Variants in CAPN9 observed in about 807,000 individuals in gnomAD.
CAPN9 encodes calpain-9.
A neutral mutation model predicts 92.8 loss-of-function variants in CAPN9; 81 were observed. The ratio of observed to expected loss-of-function variants is 0.87; its 90% CI spans 0.73 to 1.05. CAPN9 has a LOEUF of 1.05. Among genes scored for constraint, CAPN9 ranks in the 50% least tolerant of loss-of-function variants. The probability of loss-of-function intolerance (pLI) is 0.00; values close to 1 mark genes in which losing one functional copy is unlikely to be tolerated. For synonymous variants in CAPN9, 304 were observed against 328.0 expected (o/e 0.93, Z 0.79); for missense variants, 848 against 866.2 (o/e 0.98, Z 0.26).
intron 11 of CAPN9, 69 bp downstream of exon 11, chr1:230,780,777 G>A: frequency 7.9e-7 from 1 of 1,270,710 alleles, no homozygotes; most frequent in Admixed American, 1.7e-5. Context: ...AGTCACCTGG[G>A]AACTGCTGGA....
chr1:230,780,376 G>A, intron 10 of CAPN9, 40 bp downstream of exon 10: 3 of 1,608,636 alleles, frequency 1.9e-6, no homozygotes, highest in Non-Finnish European at 2.6e-6. Flanking sequence ...TTCTCCATCT[G>A]AGTTCTAAAT....
intron 14 of CAPN9, among the ~76,000 whole-genome samples, chr1:230,790,922 G>A (rs1667938446): frequency 6.6e-6 from 1 of 152,200 alleles, no homozygotes; most frequent in Admixed American, 6.5e-5. Context: ...TTGCACTCCA[G>A]GCTGGGCAAC....
rs57738295 is a variant in CAPN9, at chr1:230,789,473, C to CAAAAAAAAA, written c.1600-640_1600-632dup. Among the ~76,000 whole-genome samples, 4 of 66,282 alleles carry CAAAAAAAAA rather than the reference C, an allele frequency of 6.0e-5. No individual in the cohort carries two copies. The East Asian group carries it at 2.5e-3, about 41-fold the overall frequency. 43.5% of individuals were successfully genotyped at this position (66,282 alleles called of 152,430 possible). A position where few individuals can be genotyped will look rare whatever the true frequency, so the allele number is the denominator to read the frequency against. ...TGGATGACAGAGCAAGACCCTGTAT[C>CAAAAAAAAA]AAAAAAAAAAAAAAAAAAAAAAAAA... On this transcript the variant is annotated intron_variant, in intron 13 of 19. Transcript: ENST00000271971.
At chr1:230,765,303 T>C (rs1267232655) in intron 4 of CAPN9, among the ~76,000 whole-genome samples, 2 of 146,110 alleles carry the variant, frequency 1.4e-5, no homozygotes, top group East Asian at 2.0e-4. Flanking sequence ...CTGAAGGAGC[T>C]CCAAACAGCC....
chr1:230,787,690 G>T (rs182265860), intron 13 of CAPN9, 88 bp downstream of exon 13: 6 of 1,121,520 alleles, frequency 5.3e-6, no homozygotes, highest in Non-Finnish European at 8.1e-6. Context: ...GGGTTGGTCA[G>T]CAACGTCATC....
At chr1:230,762,907 C>A in intron 4 of CAPN9, 121 bp downstream of exon 4, 1 of 1,048,924 alleles carries the variant, frequency 9.5e-7, no homozygotes, top group Non-Finnish European at 1.3e-6. Flanking sequence ...TGAGGCTCGG[C>A]AGGACCCAAC....
intron 8 of CAPN9, chr1:230,776,825 C>A (rs1025514823): frequency 6.6e-6 from 1 of 152,160 alleles, no homozygotes; most frequent in Non-Finnish European, 1.5e-5. Flanking sequence ...AATCTTGACT[C>A]AGAAGTAAAT....
chr1:230,767,440 G>A, intron 4 of CAPN9, 101 bp from the exon 5 acceptor site: 3 of 970,802 alleles, frequency 3.1e-6, no homozygotes, highest in South Asian at 3.6e-5. Context: ...GCAAGCCCTG[G>A]GAGATGCTTC....
Position 230,779,003 on chromosome 1 carries a change from T to C in CAPN9, c.984T>C (p.Phe328=). The C allele has an allele frequency of 6.2e-7, 1 of 1,613,822 alleles. No homozygotes were observed. Among genetic ancestry groups the C allele is most frequent in the Non-Finnish European group, 8.5e-7 (1 of 1,179,924 alleles). ...WMAFKDFKAH[F]DKVEICNLTP... is the part of the protein sequence containing the mutation. ...CATTTAAGGACTTCAAGGCCCACTT[T>C]GATAAAGTGGAGATCTGCAACCTCA... The change falls in exon 9 of 20, where the codon TTT becomes TTC. Residue 328 remains phenylalanine, a synonymous_variant. Transcript: ENST00000271971.
intron 4 of CAPN9, among the ~76,000 whole-genome samples, chr1:230,764,273 C>A (rs1302868915): frequency 6.6e-6 from 1 of 152,112 alleles, no homozygotes; most frequent in East Asian, 1.9e-4. Context: ...TGCTAAAGAT[C>A]CAAATAAAAG....
intron 17 of CAPN9, 32 bp from the exon 18 acceptor site, chr1:230,795,131 C>A (rs776275571): frequency 2.9e-6 from 4 of 1,390,706 alleles, no homozygotes; most frequent in Non-Finnish European, 3.1e-6. Context: ...TCGGATACAG[C>A]GAGTCCTGGG....
intron 3 of CAPN9, among the ~76,000 whole-genome samples, chr1:230,761,191 G>A (rs914064179): frequency 5.9e-5 from 9 of 152,156 alleles, no homozygotes; most frequent in African/African-American, 1.9e-4. Flanking sequence ...ACAATACTCC[G>A]CCCGCTCCCC....
chr1:230,751,667 GA>G (rs1432859374), intron 1 of CAPN9, among the ~76,000 whole-genome samples: 4 of 61,732 alleles, frequency 6.5e-5, no homozygotes, highest in East Asian at 3.4e-4. Flanking sequence ...AAGAAAGAAA[GA>G]AAGAAAGAAA....
rs752233210 is a variant in CAPN9, at chr1:230,792,480, C to A, written c.1777C>A (p.Leu593Met). 1.9e-6 allele frequency: 3 copies of A among 1,613,868 alleles called. No individual in the cohort carries two copies. The highest frequency in any genetic ancestry group is 4.5e-5 in the East Asian group (2 of 44,868). Reference sequence around the variant, plus strand: ...TGAATTCAAAGTGTTCTGGGACAAGCTGAAGCAGTGGATTGTATGTAACCT... The same window carrying A: ...TGAATTCAAAGTGTTCTGGGACAAGATGAAGCAGTGGATTGTATGTAACCT... Reference protein sequence around the residue: ...FDEFKVFWDKLKQWINLFLRF... With the variant: ...FDEFKVFWDKMKQWINLFLRF... The change falls in exon 16 of 20, where the codon CTG becomes ATG. Residue 593 changes from leucine to methionine, a missense_variant. Coordinates refer to ENST00000271971, the MANE Select transcript of CAPN9 (RefSeq NM_006615.3).
chr1:230,756,314 G>C (rs923397116), intron 2 of CAPN9, among the ~76,000 whole-genome samples: 2 of 151,982 alleles, frequency 1.3e-5, no homozygotes, highest in African/African-American at 4.8e-5. Context: ...TTGAGAGAGA[G>C]AGAGAGAGAG....
intron 14 of CAPN9, 70 bp from the exon 15 acceptor site, chr1:230,791,794 C>A: frequency 8.2e-7 from 1 of 1,224,862 alleles, no homozygotes; most frequent in Non-Finnish European, 1.2e-6. Flanking sequence ...CATTATTGGG[C>A]TTTCAGCAGA....
intron 14 of CAPN9, 54 bp downstream of exon 14, chr1:230,790,243 A>T (rs1667889842): frequency 6.2e-7 from 1 of 1,605,322 alleles, no homozygotes; most frequent in East Asian, 2.2e-5. Flanking sequence ...ACAAGCGACC[A>T]CACTGCCTGG....
intron 17 of CAPN9, among the ~76,000 whole-genome samples, chr1:230,793,571 CT>C (rs1014326723): frequency 2.6e-5 from 4 of 152,252 alleles, no homozygotes; most frequent in African/African-American, 9.6e-5. Context: ...CACGAGCGCT[CT>C]GCAGACCTCC....
chr1:230,772,241 C>T, intron 7 of CAPN9, 142 bp downstream of exon 7: 1 of 663,128 alleles, frequency 1.5e-6, no homozygotes, highest in East Asian at 2.8e-5. Context: ...CTGAGGTGCC[C>T]CTTCTTCCTC....
Sources: gnomAD v4.1 joint callset for allele counts (sites outside exome capture counted in the v4.1 genomes callset) on GRCh38, gnomAD v4.1.1 for gene constraint, MANE v1.5 for transcripts, NCBI Gene and HGNC (gene_info 2026-07-23, HGNC 2026-07-21) for gene names.